Variants in AMN observed in about 807,000 individuals in gnomAD.
The protein encoded by AMN is amnion associated transmembrane protein, also known as protein amnionless.
Under a neutral mutation model 49.1 loss-of-function variants are expected in AMN, and 40 were observed. That is an observed-to-expected ratio of 0.81 (90% CI 0.63 to 1.06). The LOEUF is 1.06. Ranked by LOEUF, AMN falls within the 50% of genes least tolerant of loss-of-function variation. The probability of loss-of-function intolerance (pLI) is 0.00; values close to 1 mark genes in which losing one functional copy is unlikely to be tolerated. For synonymous variants in AMN, 380 were observed against 313.3 expected, an observed-to-expected ratio of 1.21 and a Z score of -2.25; for missense variants, 701 against 662.8, an observed-to-expected ratio of 1.06 and a Z score of -0.63.
rs563397369 is a variant in AMN, at chr14:102,924,063, G to C, written c.207+84G>C. The C allele has an allele frequency of 3.2e-6, 5 of 1,584,382 alleles. No homozygotes were observed. In the African/African-American group the frequency reaches 5.4e-5, roughly 17 times the overall value. On this transcript the variant is annotated intron_variant, in intron 3 of 11. Coordinates refer to ENST00000299155, the MANE Select transcript of AMN (RefSeq NM_030943.4). ...TCAGGGACTGCTGTGCCTTGAGGGCGGACCCCACCGGCATGGAGGCACTGC... is the reference window on the plus strand; with the variant it reads ...TCAGGGACTGCTGTGCCTTGAGGGCCGACCCCACCGGCATGGAGGCACTGC...
Position 102,924,112 on chromosome 14 carries a change from A to G in AMN, c.207+133A>G. 2.3e-6 allele frequency: 3 copies of G among 1,309,164 alleles called. No individual in the cohort carries two copies. The South Asian group carries it at 3.6e-5, about 16-fold the overall frequency. 81.1% of individuals were successfully genotyped at this position (1,309,164 alleles called of 1,614,324 possible). The stretch of plus-strand genomic sequence containing the variant: ...GCAGGACTGGGACTTTGGCCTCTGG[A>G]GAATATTCTAGGAGGCAGGGAGTGG... On this transcript the variant is annotated intron_variant, in intron 3 of 11. Coordinates refer to ENST00000299155, the MANE Select transcript of AMN (RefSeq NM_030943.4).
At position 102,928,554 on chromosome 14, in the gene AMN, T is replaced by C. The variant is rs1314996054; in HGVS notation, c.295+41T>C. On this transcript the variant is annotated intron_variant, in intron 4 of 11. Coordinates refer to ENST00000299155, the MANE Select transcript of AMN (RefSeq NM_030943.4). ...AGGGGCGGGGCTCTGGAAAGGCATG[T>C]TCAGGGGCGGGGACTGGAGGGAAGG... 3.8e-6 allele frequency: 6 copies of C among 1,574,712 alleles called. No individual in the cohort carries two copies. The South Asian group carries it at 4.5e-5, about 12-fold the overall frequency.
Position 102,929,108 on chromosome 14 carries a change from C to T in AMN, c.514-13C>T. 5.0e-6 allele frequency: 8 copies of T among 1,597,586 alleles called. No homozygotes were observed. The highest frequency in any genetic ancestry group is 1.7e-5 in the Admixed American group (1 of 59,992). Reference sequence around the variant, plus strand: ...CCTCGGGCTGGCTCCGGTGGGGACCCGGCTGCCCGCAGACGTTCACGCGCG... The same window carrying T: ...CCTCGGGCTGGCTCCGGTGGGGACCTGGCTGCCCGCAGACGTTCACGCGCG... On this transcript the variant is annotated splice_polypyrimidine_tract_variant and intron_variant, in intron 5 of 11. Coordinates refer to ENST00000299155, the MANE Select transcript of AMN (RefSeq NM_030943.4).
At chr14:102,926,464 T>G (rs985436214) in intron 3 of AMN, among the ~76,000 whole-genome samples, 1 of 152,184 alleles carries the variant, frequency 6.6e-6, no homozygotes, top group African/African-American at 2.4e-5. Flanking sequence ...GCAGGATGGC[T>G]TAATATCCAT....
rs1595435242 is a variant in AMN, at chr14:102,930,743, C to A, written c.*63C>A. 15 of 1,496,504 alleles carry A rather than the reference C, an allele frequency of 1.0e-5. No individual in the cohort carries two copies. Among genetic ancestry groups the A allele is most frequent in the Non-Finnish European group, 1.4e-5 (15 of 1,104,878 alleles). 92.7% of individuals were successfully genotyped at this position (1,496,504 alleles called of 1,614,324 possible). A position where few individuals can be genotyped will look rare whatever the true frequency, so the allele number is the denominator to read the frequency against. On this transcript the variant is annotated 3_prime_UTR_variant, in exon 12 of 12. Transcript: ENST00000299155. ...GCTCTGGCCCCAGTCGAACTGGGGG[C>A]TAGCCACCTCCTCGTCCAGCCCCCA... is the stretch of plus-strand genomic sequence containing the variant.
chr14:102,930,775 C>G lies in AMN; in HGVS notation c.*95C>G. 7.5e-7 allele frequency: 1 copy of G among 1,335,040 alleles called. No individual in the cohort carries two copies. The allele number at this position is 1,335,040 out of a possible 1,614,324, so 82.7% of individuals were successfully genotyped here. A position where few individuals can be genotyped will look rare whatever the true frequency, so the allele number is the denominator to read the frequency against. On this transcript the variant is annotated 3_prime_UTR_variant, in exon 12 of 12. Coordinates refer to ENST00000299155, the MANE Select transcript of AMN (RefSeq NM_030943.4). The stretch of plus-strand genomic sequence containing the variant: ...CCTCCTCGTCCAGCCCCCAAACCTC[C>G]CCTTCCTTTCCCCCTCCTCCGGGGG...
chr14:102,922,907 C>A, intron 1 of AMN, 176 bp downstream of exon 1: 1 of 870,216 alleles, frequency 1.1e-6, no homozygotes, highest in Non-Finnish European at 1.7e-6. Context: ...GTGCGCAGCC[C>A]GGAAGTGCGC....
In AMN at chr14:102,928,530, G is replaced by A. The variant is rs1373557523; in HGVS notation, c.295+17G>A. 6.3e-6 allele frequency: 10 copies of A among 1,598,170 alleles called. No individual in the cohort carries two copies. Among genetic ancestry groups the A allele is most frequent in the South Asian group, 2.2e-5 (2 of 89,996 alleles). ...GTGGCGCGGGTGAGGCGGTCGGGCAGGGGCGGGGCTCTGGAAAGGCATGTT... is the reference window on the plus strand; with the variant it reads ...GTGGCGCGGGTGAGGCGGTCGGGCAAGGGCGGGGCTCTGGAAAGGCATGTT... On this transcript the variant is annotated intron_variant, in intron 4 of 11. Transcript: ENST00000299155.
rs1364616314 is a variant in AMN at position 102,930,457 on chromosome 14, C to T, written c.1221C>T (p.Arg407=). ...AAPAGAPLGF[R]NPVFDVTASE... ...CGGCTGGAGCGCCCCTCGGCTTCCG[C>T]AACCCGGTGTTCGACGTGACGGCCT... is the stretch of plus-strand genomic sequence containing the variant. The change falls in exon 11 of 12, where the codon CGC becomes CGT. Residue 407 remains arginine (R), a synonymous_variant. Transcript: ENST00000299155. The T allele has an allele frequency of 3.3e-6, 5 of 1,529,322 alleles. No homozygotes were observed. The highest frequency in any genetic ancestry group is 4.4e-6 in the Non-Finnish European group (5 of 1,141,848). 94.7% of individuals were successfully genotyped at this position (1,529,322 alleles called of 1,614,324 possible). A position where few individuals can be genotyped will look rare whatever the true frequency, so the allele number is the denominator to read the frequency against.
At position 102,930,475 on chromosome 14, in the gene AMN, G is replaced by T. The variant is rs374163665; in HGVS notation, c.1239G>T (p.Val413=). The change falls in exon 11 of 12, where the codon GTG becomes GTT. Residue 413 remains valine, a synonymous_variant. Transcript: ENST00000299155. ...PLGFRNPVFD[V]TASEELPLPR... ...GCTTCCGCAACCCGGTGTTCGACGT[G>T]ACGGCCTCCGAGGAGCTGGTGAGGG... The T allele has an allele frequency of 1.2e-4, 183 of 1,532,616 alleles. No homozygotes were observed. The highest frequency in any genetic ancestry group is 1.5e-4 in the Non-Finnish European group (177 of 1,142,368). 94.9% of individuals were successfully genotyped at this position (1,532,616 alleles called of 1,614,324 possible).
In AMN at chr14:102,929,964, C is replaced by A. The variant is rs866773035; in HGVS notation, c.884C>A (p.Pro295Gln). The A allele has an allele frequency of 6.4e-7, 1 of 1,564,236 alleles. No homozygotes were observed. The highest frequency in any genetic ancestry group is 1.9e-5 in the Admixed American group (1 of 53,320). ...CTGCAGGTGGCCGTGTCCAAGGTGC[C>A]ACGCTCGTCCCGGCTCCGTGAGGCC... ...HGLQVAVSKV[P>Q]RSSRLREADT... The change falls in exon 9 of 12, where the codon CCA becomes CAA. Residue 295 changes from proline to glutamine, a missense_variant. By Grantham distance (76) the Pro-to-Gln change is moderately conservative. Coordinates refer to ENST00000299155, the MANE Select transcript of AMN (RefSeq NM_030943.4).
In AMN at chr14:102,930,412, G is replaced by A. The variant is rs1052377523; in HGVS notation, c.1176G>A (p.Arg392=). ...LLRRAGRLRW[R]RHEAAAPAGA... ...GTCCCCGCTACGCCCTCAGGTGGAGGAGGCACGAGGCGGCGGCCCCGGCTG... is the reference window on the plus strand; with the variant it reads ...GTCCCCGCTACGCCCTCAGGTGGAGAAGGCACGAGGCGGCGGCCCCGGCTG... The change falls in exon 11 of 12, where the codon AGG becomes AGA. Residue 392 remains arginine (R), a synonymous_variant. Transcript: ENST00000299155. The A allele has an allele frequency of 3.0e-5, 45 of 1,519,344 alleles. No individual in the cohort carries two copies. Among genetic ancestry groups the A allele is most frequent in the Admixed American group, 1.4e-4 (7 of 49,704 alleles). The allele number at this position is 1,519,344 out of a possible 1,614,324, so 94.1% of individuals were successfully genotyped here.
chr14:102,928,999 T>G, intron 5 of AMN, 24 bp downstream of exon 5: 7 of 1,595,844 alleles, frequency 4.4e-6, no homozygotes, highest in South Asian at 1.1e-5. Context: ...GGAGGGAGGC[T>G]CGGGTCCCCT....
Position 102,929,909 on chromosome 14 carries a change from C to G in AMN, c.844-15C>G. On this transcript the variant is annotated splice_polypyrimidine_tract_variant and intron_variant, in intron 8 of 11. Transcript: ENST00000299155. The stretch of plus-strand genomic sequence containing the variant: ...GCGGGGGGCTGAGTCAAACCAACCC[C>G]GTCCCCCTCCCCAGCCTCAGTACCA... The G allele has an allele frequency of 1.9e-6, 3 of 1,552,688 alleles. No individual in the cohort carries two copies. The highest frequency in any genetic ancestry group is 2.4e-5 in the East Asian group (1 of 40,946).
Position 102,928,987 on chromosome 14 carries a change from G to T in AMN, c.513+12G>T. ...CGGCTCTGGGCCGGGTGAGCACTGA[G>T]GGGAGGGAGGCTCGGGTCCCCTCTC... On this transcript the variant is annotated intron_variant, in intron 5 of 11. Transcript: ENST00000299155. The T allele has an allele frequency of 6.3e-7, 1 of 1,597,308 alleles. No individual in the cohort carries two copies. Among genetic ancestry groups the T allele is most frequent in the East Asian group, 2.2e-5 (1 of 44,778 alleles).
rs761472053 is a variant in AMN at position 102,922,740 on chromosome 14, G to C, written c.43+9G>C. The C allele has an allele frequency of 6.3e-7, 1 of 1,581,950 alleles. No homozygotes were observed. Among genetic ancestry groups the C allele is most frequent in the African/African-American group, 1.3e-5 (1 of 74,656 alleles). ...GTGGCTGCAGCTCTGCGGTGAGCCG[G>C]GACCACACCGGTGCGGGCCCGGACG... On this transcript the variant is annotated intron_variant, in intron 1 of 11. Transcript: ENST00000299155.
chr14:102,926,734 T>TTTGA (rs1479994908), intron 3 of AMN, among the ~76,000 whole-genome samples: 1 of 151,832 alleles, frequency 6.6e-6, no homozygotes, highest in African/African-American at 2.4e-5. Flanking sequence ...CTACAGGAAT[T>TTTGA]TTGATTGGGA....
chr14:102,928,576 A>AT, intron 4 of AMN, 63 bp downstream of exon 4: 1 of 1,545,216 alleles, frequency 6.5e-7, no homozygotes, highest in Non-Finnish European at 8.7e-7. Flanking sequence ...GACTGGAGGG[A>AT]AGGCGCGTCG....
At chr14:102,926,961 G>A (rs889942653) in intron 3 of AMN, among the ~76,000 whole-genome samples, 1 of 152,046 alleles carries the variant, frequency 6.6e-6, no homozygotes, top group South Asian at 2.1e-4. Context: ...GCGTGATCAC[G>A]GCTCACTGCA....
Sources: gnomAD v4.1 joint callset for allele counts (sites outside exome capture counted in the v4.1 genomes callset) on GRCh38, gnomAD v4.1.1 for gene constraint, MANE v1.5 for transcripts, NCBI Gene and HGNC (gene_info 2026-07-23, HGNC 2026-07-21) for gene names.